Variants in CSMD1 observed in about 807,000 individuals in gnomAD.
CSMD1 encodes the protein CUB and sushi domain-containing protein 1.
A neutral mutation model predicts 417.5 loss-of-function variants in CSMD1; 213 were observed. The observed-to-expected ratio is 0.51, with a 90% CI of 0.46 to 0.57. The LOEUF is 0.57. Ranked by LOEUF, CSMD1 falls within the 20% of genes least tolerant of loss-of-function variation. The pLI is 0.00. For missense variants in CSMD1, 6,923 were observed against 4,529.7 expected (o/e 1.53, Z -15.17); for synonymous variants, 2,862 against 1,736.8 (o/e 1.65, Z -16.11).
chr8:4,740,129 A>G (rs1810511949), intron 1 of CSMD1, among the ~76,000 whole-genome samples: 1 of 152,028 alleles, frequency 6.6e-6, no homozygotes, highest in South Asian at 2.1e-4. Flanking sequence ...CTCCATCATA[A>G]TTCCCTCCCT....
chr8:4,716,511 T>C (rs1808668881), intron 1 of CSMD1, among the ~76,000 whole-genome samples: 1 of 152,220 alleles, frequency 6.6e-6, no homozygotes, highest in Non-Finnish European at 1.5e-5. Context: ...CAACATCCAT[T>C]ATCTATGTTT....
chr8:4,441,710 G>A (rs1457299285), intron 2 of CSMD1, among the ~76,000 whole-genome samples: 2 of 152,030 alleles, frequency 1.3e-5, no homozygotes, highest in Admixed American at 6.6e-5. Context: ...TAAAACGTTT[G>A]AGGTACAGGA....
chr8:2,964,026 C>T (rs1427841331), intron 59 of CSMD1, among the ~76,000 whole-genome samples: 2 of 152,172 alleles, frequency 1.3e-5, no homozygotes, highest in Admixed American at 6.5e-5. Flanking sequence ...CACGAGAGAT[C>T]ACCTTCCCCA....
At chr8:4,143,899 T>C (rs945802470) in intron 3 of CSMD1, among the ~76,000 whole-genome samples, 2 of 151,132 alleles carry the variant, frequency 1.3e-5, no homozygotes, top group Non-Finnish European at 1.5e-5. Flanking sequence ...GGTCCCTGGC[T>C]AATTAAAGGC....
At chr8:3,478,074 C>A (rs1477549587) in intron 11 of CSMD1, among the ~76,000 whole-genome samples, 1 of 152,176 alleles carries the variant, frequency 6.6e-6, no homozygotes, top group African/African-American at 2.4e-5. Context: ...GAAATTAGAA[C>A]AAGCTTTAGA....
intron 3 of CSMD1, among the ~76,000 whole-genome samples, chr8:4,057,114 G>T (rs1484915842): frequency 1.3e-5 from 2 of 152,186 alleles, no homozygotes; most frequent in African/African-American, 2.4e-5. Flanking sequence ...TCGCCACACT[G>T]ACTTCCACAA....
In CSMD1 at chr8:4,645,690, T is replaced by C. The variant is rs76539718; in HGVS notation, c.86-8132A>G. ...ACACAGAAAAGAAAAAAGATGATTA[T>C]TGTCATTTTTACAAAGGAATATTTA... On this transcript the variant is annotated intron_variant, in intron 1 of 69. Coordinates refer to ENST00000635120, the MANE Select transcript of CSMD1 (RefSeq NM_033225.6). Among the ~76,000 whole-genome samples the C allele has an allele frequency of 4.5e-3, 692 of 152,156 alleles. 27 individuals are homozygous for C. In the East Asian group the frequency reaches 0.091, roughly 20 times the overall value.
chr8:3,408,441 C>G (rs1367903954), intron 13 of CSMD1, among the ~76,000 whole-genome samples: 1 of 151,194 alleles, frequency 6.6e-6, no homozygotes, highest in Non-Finnish European at 1.5e-5. Flanking sequence ...CAACCAGAAC[C>G]TATACATAAT....
At chr8:4,152,554 G>T (rs1352921155) in intron 3 of CSMD1, among the ~76,000 whole-genome samples, 2 of 151,726 alleles carry the variant, frequency 1.3e-5, no homozygotes, top group African/African-American at 4.9e-5. Flanking sequence ...GCTAGTCATG[G>T]TGGTGCACAC....
At chr8:3,995,687 T>C (rs1288787632) in intron 5 of CSMD1, among the ~76,000 whole-genome samples, 1 of 152,180 alleles carries the variant, frequency 6.6e-6, no homozygotes, top group African/African-American at 2.4e-5. Context: ...GAGACAATAG[T>C]AGACAATAGT....
At chr8:3,824,850 G>A (rs186757151) in intron 5 of CSMD1, among the ~76,000 whole-genome samples, 1 of 151,870 alleles carries the variant, frequency 6.6e-6, no homozygotes, top group African/African-American at 2.4e-5. Context: ...AATGACACAG[G>A]GTTTCAATTA....
rs776773060 is a variant in CSMD1 at position 3,575,065 on chromosome 8, C to T, written c.1224G>A (p.Ala408=). ...AWSDHRPICR[A]RTCGSNLRGP... ...CACGCAGATTGGATCCACATGTTCT[C>T]GCTGGAAACACATAGAAACGACGTT... Residue 408 remains alanine (A), a splice_region_variant and synonymous_variant, in exon 10 of 70, where the codon GCG becomes GCA. Coordinates refer to ENST00000635120, the MANE Select transcript of CSMD1 (RefSeq NM_033225.6). 64 of 1,612,374 alleles carry T rather than the reference C, an allele frequency of 4.0e-5. No individual in the cohort carries two copies. The highest frequency in any genetic ancestry group is 2.7e-5 in the Non-Finnish European group (32 of 1,179,284).
chr8:4,953,092 A>G (rs1239670212), intron 1 of CSMD1, among the ~76,000 whole-genome samples: 2 of 152,120 alleles, frequency 1.3e-5, no homozygotes, highest in Non-Finnish European at 2.9e-5. Context: ...CTTAAAAGAA[A>G]TATATATTCA....
intron 26 of CSMD1, among the ~76,000 whole-genome samples, chr8:3,277,651 G>T (rs944736505): frequency 1.3e-5 from 2 of 152,178 alleles, no homozygotes; most frequent in Admixed American, 6.5e-5. Context: ...GGAAAAGCAT[G>T]AACAAGGACT....
intron 1 of CSMD1, among the ~76,000 whole-genome samples, chr8:4,902,360 C>T (rs895785876): frequency 2.6e-5 from 4 of 151,584 alleles, no homozygotes; most frequent in Admixed American, 1.3e-4. Flanking sequence ...TTGATTGAGC[C>T]CAGGAGTTGA....
At chr8:3,070,155 C>G (rs750833504) in intron 49 of CSMD1, among the ~76,000 whole-genome samples, 3 of 152,218 alleles carry the variant, frequency 2.0e-5, no homozygotes, top group Non-Finnish European at 2.9e-5. Context: ...TTCTAGGTCT[C>G]TGATGGGAGG....
At position 3,290,308 on chromosome 8, in the gene CSMD1, G is replaced by A. The variant is rs923060104; in HGVS notation, c.3951-5962C>T. Among the ~76,000 whole-genome samples the A allele has an allele frequency of 8.9e-5, 13 of 146,426 alleles. 1 individual carries two copies. The highest frequency in any genetic ancestry group is 4.7e-4 in the Admixed American group (7 of 14,828). ...TGGCTTAGGATTGACTTGGTGATTTGGGCTCTTTTTTGGTTCCATATGAAC... is the reference window on the plus strand; with the variant it reads ...TGGCTTAGGATTGACTTGGTGATTTAGGCTCTTTTTTGGTTCCATATGAAC... On this transcript the variant is annotated intron_variant, in intron 25 of 69. Coordinates refer to ENST00000635120, the MANE Select transcript of CSMD1 (RefSeq NM_033225.6).
At chr8:3,908,460 C>G (rs539697679) in intron 5 of CSMD1, among the ~76,000 whole-genome samples, 1 of 152,266 alleles carries the variant, frequency 6.6e-6, no homozygotes, top group South Asian at 2.1e-4. Context: ...GGTGCACACA[C>G]ATTCCCTGGG....
intron 37 of CSMD1, among the ~76,000 whole-genome samples, chr8:3,179,094 C>T (rs543270147): frequency 2.5e-4 from 38 of 151,778 alleles, no homozygotes; most frequent in South Asian, 4.2e-4. Context: ...ACTACAGGCC[C>T]GCCACCACGC....
Sources: allele counts gnomAD v4.1 joint callset (sites outside exome capture counted in the v4.1 genomes callset), GRCh38; gene constraint gnomAD v4.1.1; transcripts MANE v1.5; gene names NCBI Gene and HGNC (gene_info 2026-07-23, HGNC 2026-07-21).